Variants in TAX1BP1 observed in about 807,000 individuals in gnomAD.
TAX1BP1 encodes Tax1 binding protein 1.
In TAX1BP1, 62 loss-of-function variants were observed where a neutral mutation model predicts 97.7. That is an observed-to-expected ratio of 0.63 (90% CI 0.52 to 0.78). The LOEUF is 0.78. Among genes scored for constraint, TAX1BP1 ranks in the 30% least tolerant of loss-of-function variants. The pLI is 0.00. For synonymous variants in TAX1BP1, 340 were observed against 304.2 expected (o/e 1.12, Z -1.23); for missense variants, 867 against 916.1 (o/e 0.95, Z 0.69).
At chr7:27,740,006 G>A (rs907171615), upstream of TAX1BP1, 2 of 152,282 alleles carry the variant, frequency 1.3e-5, no homozygotes, top group African/African-American at 2.4e-5. Context: ...TAAGGAGAGA[G>A]CCAGCCTACC....
At chr7:27,816,205 T>A in intron 13 of TAX1BP1, 144 bp from the exon 14 acceptor site, 1 of 636,344 alleles carries the variant, frequency 1.6e-6, no homozygotes, top group Non-Finnish European at 2.5e-6. Flanking sequence ...GAGAGCCAGC[T>A]TTTCTAACTG....
chr7:27,824,841 T>G (rs907220820), intron 15 of TAX1BP1, among the ~76,000 whole-genome samples: 21 of 152,284 alleles, frequency 1.4e-4, no homozygotes, highest in Admixed American at 9.8e-4. Context: ...GAAAAGGTAT[T>G]TCTTAAAATT....
At chr7:27,780,372 A>G (rs1789205577) in intron 5 of TAX1BP1, among the ~76,000 whole-genome samples, 1 of 152,180 alleles carries the variant, frequency 6.6e-6, no homozygotes, top group Non-Finnish European at 1.5e-5. Flanking sequence ...TAGCTGTGTA[A>G]CCTTTGATAA....
intron 2 of TAX1BP1, 22 bp from the exon 3 acceptor site, chr7:27,758,009 C>CT: frequency 1.3e-6 from 2 of 1,562,060 alleles, no homozygotes; most frequent in South Asian, 2.3e-5. Flanking sequence ...ATAAATCCGC[C>CT]TTTTTTGTTA....
chr7:27,766,388 C>T (rs532533020), intron 4 of TAX1BP1, among the ~76,000 whole-genome samples: 2 of 117,684 alleles, frequency 1.7e-5, no homozygotes, highest in East Asian at 5.1e-4. Context: ...CCACTGCACT[C>T]CAGCCTGGGC....
chr7:27,775,264 A>G (rs1353923795), intron 5 of TAX1BP1, among the ~76,000 whole-genome samples: 1 of 152,200 alleles, frequency 6.6e-6, no homozygotes, highest in Non-Finnish European at 1.5e-5. Context: ...TTAGTACAGT[A>G]ATGTAATGTC....
intron 1 of TAX1BP1, among the ~76,000 whole-genome samples, chr7:27,747,538 A>G (rs1787873074): frequency 1.3e-5 from 2 of 152,190 alleles, no homozygotes; most frequent in Admixed American, 6.5e-5. Flanking sequence ...AGGATCATTG[A>G]TTGGACCTAT....
intron 2 of TAX1BP1, among the ~76,000 whole-genome samples, chr7:27,753,037 C>G (rs1256727857): frequency 6.6e-6 from 1 of 151,798 alleles, no homozygotes; most frequent in Non-Finnish European, 1.5e-5. Flanking sequence ...CAGTGGCTCA[C>G]GCCTGTAATC....
rs1408369436 is a variant in TAX1BP1, at chr7:27,791,854, T to G, written c.1039-152T>G. On this transcript the variant is annotated intron_variant, in intron 8 of 16. Coordinates refer to ENST00000396319, the MANE Select transcript of TAX1BP1 (RefSeq NM_006024.7). ...GGGAACCTAAAACAAAGTTACTTCT[T>G]AAGTTTTTTGTAGGCATATACTCTG... 3 of 661,364 alleles carry G rather than the reference T, an allele frequency of 4.5e-6. No homozygotes were observed. In the East Asian group the frequency reaches 8.2e-5, roughly 18 times the overall value. The allele number at this position is 661,364 out of a possible 1,614,324, so 41.0% of individuals were successfully genotyped here. A position where few individuals can be genotyped will look rare whatever the true frequency, so the allele number is the denominator to read the frequency against.
intron 13 of TAX1BP1, among the ~76,000 whole-genome samples, chr7:27,802,111 G>A (rs1282293909): frequency 6.6e-6 from 1 of 152,188 alleles, no homozygotes; most frequent in Non-Finnish European, 1.5e-5. Flanking sequence ...ATTAGGACTT[G>A]AGTATCTATA....
chr7:27,743,454 C>T (rs916897830), intron 1 of TAX1BP1, among the ~76,000 whole-genome samples: 1 of 152,318 alleles, frequency 6.6e-6, no homozygotes, highest in South Asian at 2.1e-4. Flanking sequence ...GAAAAACTTT[C>T]AGTAACTCTA....
At chr7:27,791,879 G>C in intron 8 of TAX1BP1, 127 bp from the exon 9 acceptor site, 1 of 786,420 alleles carries the variant, frequency 1.3e-6, no homozygotes, top group Non-Finnish European at 2.0e-6. Flanking sequence ...CATATACTCT[G>C]TAAGTCATGA....
chr7:27,819,702 C>G (rs866797184), intron 15 of TAX1BP1, among the ~76,000 whole-genome samples: 3 of 152,014 alleles, frequency 2.0e-5, no homozygotes, highest in African/African-American at 7.2e-5. Context: ...GGAACGTAAC[C>G]CCATCATAAG....
chr7:27,775,237 A>G (rs1340149130), intron 5 of TAX1BP1, among the ~76,000 whole-genome samples: 1 of 152,224 alleles, frequency 6.6e-6, no homozygotes, highest in Non-Finnish European at 1.5e-5. Context: ...ATTGTGGGAA[A>G]AAATCAGCAT....
chr7:27,826,065 T>A (rs1791167235), intron 15 of TAX1BP1, among the ~76,000 whole-genome samples: 1 of 152,188 alleles, frequency 6.6e-6, no homozygotes, highest in Non-Finnish European at 1.5e-5. Context: ...GGCCTAAATC[T>A]GGGAGCTAGA....
intron 1 of TAX1BP1, among the ~76,000 whole-genome samples, chr7:27,748,201 T>A (rs1458438053): frequency 6.6e-6 from 1 of 152,210 alleles, no homozygotes; most frequent in East Asian, 1.9e-4. Flanking sequence ...CAAAAACACC[T>A]CTGGTTCATT....
intron 11 of TAX1BP1, among the ~76,000 whole-genome samples, chr7:27,795,377 GC>G (rs2128318863): frequency 6.6e-6 from 1 of 152,126 alleles, no homozygotes; most frequent in Non-Finnish European, 1.5e-5. Flanking sequence ...GGAAGCTGTG[GC>G]AAGAGGATCA....
Position 27,827,779 on chromosome 7 carries a change from A to G in TAX1BP1, c.2127A>G (p.Gln709=), listed in dbSNP as rs747035961. The G allele has an allele frequency of 6.2e-6, 10 of 1,613,890 alleles. No individual in the cohort carries two copies. In the African/African-American group the frequency reaches 6.7e-5, roughly 11 times the overall value. ...NVPTAPDPPS[Q]HLRGHGTGFC... ...CTACTGCTCCTGATCCTCCAAGTCA[A>G]CATTTACGTGGGCATGGGACAGGCT... The change falls in exon 16 of 17, where the codon CAA becomes CAG. Residue 709 remains glutamine, a synonymous_variant. Coordinates refer to ENST00000396319, the MANE Select transcript of TAX1BP1 (RefSeq NM_006024.7).
At chr7:27,803,695 C>T (rs1405217381) in intron 13 of TAX1BP1, among the ~76,000 whole-genome samples, 1 of 152,176 alleles carries the variant, frequency 6.6e-6, no homozygotes, top group Non-Finnish European at 1.5e-5. Flanking sequence ...AAAAAAAAGC[C>T]AGTTGCACTG....
Sources: allele counts gnomAD v4.1 joint callset (sites outside exome capture counted in the v4.1 genomes callset), GRCh38; gene constraint gnomAD v4.1.1; transcripts MANE v1.5; gene names NCBI Gene and HGNC (gene_info 2026-07-23, HGNC 2026-07-21).